Variants in RBFOX1 observed in about 807,000 individuals in gnomAD.
RBFOX1 encodes the protein RNA binding protein fox-1 homolog 1.
In RBFOX1, 8 loss-of-function variants were observed where a neutral mutation model predicts 57.7. The ratio of observed to expected loss-of-function variants is 0.14; its 90% CI spans 0.08 to 0.25. RBFOX1 has a LOEUF of 0.25. Among genes scored for constraint, RBFOX1 ranks in the 10% least tolerant of loss-of-function variants. The pLI, the probability that RBFOX1 is intolerant of heterozygous loss-of-function variation, is 1.00. For synonymous variants in RBFOX1, 326 were observed against 222.4 expected (o/e 1.47, Z -4.15); for missense variants, 611 against 548.5 (o/e 1.11, Z -1.14).
chr16:7,175,723 C>T (rs2152488244), intron 4 of RBFOX1, among the ~76,000 whole-genome samples: 1 of 152,318 alleles, frequency 6.6e-6, no homozygotes, highest in African/African-American at 2.4e-5. Flanking sequence ...TCCAGCCACG[C>T]AGTAGTTGGT....
At chr16:6,831,633 G>A (rs566989390) in intron 3 of RBFOX1, among the ~76,000 whole-genome samples, 1 of 152,298 alleles carries the variant, frequency 6.6e-6, no homozygotes, top group South Asian at 2.1e-4. Flanking sequence ...TCCTCAAATG[G>A]AAGGGTTTTA....
intron 3 of RBFOX1, among the ~76,000 whole-genome samples, chr16:5,843,165 G>T (rs1053070998): frequency 6.6e-6 from 1 of 152,066 alleles, no homozygotes; most frequent in African/African-American, 2.4e-5. Flanking sequence ...AGGTTCAGGG[G>T]TACATGTGCA....
chr16:7,470,017 GTTTT>G (rs35706487), intron 4 of RBFOX1, among the ~76,000 whole-genome samples: 10 of 143,240 alleles, frequency 7.0e-5, no homozygotes, highest in African/African-American at 2.6e-4. Context: ...GCATGGGTCA[GTTTT>G]TTTTTTTTTT....
chr16:7,623,250 G>A (rs571685148), intron 10 of RBFOX1, among the ~76,000 whole-genome samples: 22 of 152,264 alleles, frequency 1.4e-4, no homozygotes, highest in East Asian at 5.8e-4. Context: ...GTTTTTCCAC[G>A]GGTCGGGTAG....
At chr16:6,749,545 A>C (rs1363029707) in intron 3 of RBFOX1, among the ~76,000 whole-genome samples, 1 of 152,168 alleles carries the variant, frequency 6.6e-6, no homozygotes, top group East Asian at 1.9e-4. Flanking sequence ...CTTTGACTTC[A>C]TATCCAGCAG....
intron 3 of RBFOX1, among the ~76,000 whole-genome samples, chr16:6,984,630 G>A (rs1018452389): frequency 6.6e-6 from 1 of 152,026 alleles, no homozygotes; most frequent in East Asian, 1.9e-4. Context: ...TTTACCACAT[G>A]CCTTCTTTAC....
intron 4 of RBFOX1, among the ~76,000 whole-genome samples, chr16:7,479,442 T>A (rs2063437669): frequency 6.6e-6 from 1 of 152,054 alleles, no homozygotes. Flanking sequence ...AACCCAGGTA[T>A]TTTACTCTAC....
chr16:5,459,720 C>A (rs1346625499), intron 1 of RBFOX1, among the ~76,000 whole-genome samples: 3 of 152,144 alleles, frequency 2.0e-5, no homozygotes, highest in Non-Finnish European at 4.4e-5. Flanking sequence ...AGCACACATA[C>A]ACACATGCAC....
At chr16:7,398,125 C>T (rs1002534694) in intron 4 of RBFOX1, among the ~76,000 whole-genome samples, 1 of 152,154 alleles carries the variant, frequency 6.6e-6, no homozygotes, top group Non-Finnish European at 1.5e-5. Flanking sequence ...CACTAGGATT[C>T]CACATGGAAG....
upstream of RBFOX1, among the ~76,000 whole-genome samples, chr16:6,018,936 C>A (rs1247318525): frequency 6.6e-6 from 1 of 151,870 alleles, no homozygotes; most frequent in East Asian, 2.0e-4. Flanking sequence ...CCGCCGCCGC[C>A]GCCCGCTGGA....
chr16:5,312,123 T>C (rs2064107846), intron 1 of RBFOX1, among the ~76,000 whole-genome samples: 1 of 152,212 alleles, frequency 6.6e-6, no homozygotes, highest in African/African-American at 2.4e-5. Context: ...TGCATGAGAA[T>C]AGCCAGGTAG....
chr16:6,112,615 C>G (rs954930409), intron 1 of RBFOX1, among the ~76,000 whole-genome samples: 1 of 152,160 alleles, frequency 6.6e-6, no homozygotes, highest in Admixed American at 6.5e-5. Context: ...CGTTTGAACC[C>G]AGGAGCCGGA....
rs192018619 is a variant in RBFOX1, at chr16:7,408,535, T to A, written c.28-109612T>A. Among the ~76,000 whole-genome samples the A allele has an allele frequency of 2.6e-5, 4 of 152,332 alleles. No homozygotes were observed. The East Asian group carries it at 7.7e-4, about 29-fold the overall frequency. Reference sequence around the variant, plus strand: ...CCCGACACTTTTCATCTCTCTAGACTGCCCATCGATTGTCCTGAGTATTGC... The same window carrying A: ...CCCGACACTTTTCATCTCTCTAGACAGCCCATCGATTGTCCTGAGTATTGC... On this transcript the variant is annotated intron_variant, in intron 4 of 15. Coordinates refer to ENST00000550418, the MANE Select transcript of RBFOX1 (RefSeq NM_018723.4).
chr16:7,078,294 C>A (rs1357171348), intron 4 of RBFOX1, among the ~76,000 whole-genome samples: 3 of 152,288 alleles, frequency 2.0e-5, no homozygotes, highest in African/African-American at 7.2e-5. Flanking sequence ...TGACCTAACC[C>A]AGAAATGGTT....
intron 3 of RBFOX1, among the ~76,000 whole-genome samples, chr16:7,021,306 A>C (rs147656733): frequency 0.07 from 10,411 of 148,394 alleles, 578 homozygotes; most frequent in East Asian, 0.21. Flanking sequence ...CTCTCTCTCT[A>C]TATATATATA....
chr16:6,321,770 C>T (rs988188177), intron 2 of RBFOX1, among the ~76,000 whole-genome samples: 7 of 152,138 alleles, frequency 4.6e-5, no homozygotes, highest in African/African-American at 1.7e-4. Flanking sequence ...AATATAACAT[C>T]AACATTAGAT....
Position 5,567,094 on chromosome 16 carries a change from AC to A in RBFOX1, c.259-31805del, listed in dbSNP as rs146623147. 6.7e-3 allele frequency among the ~76,000 whole-genome samples: 1,019 copies of A among 152,266 alleles called. 14 individuals carry two copies. The highest frequency in any genetic ancestry group is 0.023 in the African/African-American group (954 of 41,542). Reference sequence around the variant, plus strand: ...GTGGGGCTGGAAATGCCACACAAAGACCCTCAGATGAATTGGAGATGTTGAA... The same window carrying A: ...GTGGGGCTGGAAATGCCACACAAAGACCTCAGATGAATTGGAGATGTTGAA... On this transcript the variant is annotated intron_variant, in intron 2 of 2. Coordinates refer to the RBFOX1 transcript ENST00000585867.
chr16:6,494,533 C>T (rs1457241614), intron 2 of RBFOX1, among the ~76,000 whole-genome samples: 1 of 152,214 alleles, frequency 6.6e-6, no homozygotes, highest in Non-Finnish European at 1.5e-5. Flanking sequence ...TACATTGTTA[C>T]ATCAGTAATT....
intron 1 of RBFOX1, among the ~76,000 whole-genome samples, chr16:5,466,534 G>T (rs569340259): frequency 6.6e-6 from 1 of 152,222 alleles, no homozygotes; most frequent in African/African-American, 2.4e-5. Context: ...TAGGGTTTCT[G>T]TGTGTGCCCT....
Sources: gnomAD v4.1 joint callset for allele counts (sites outside exome capture counted in the v4.1 genomes callset) on GRCh38, gnomAD v4.1.1 for gene constraint, MANE v1.5 for transcripts, NCBI Gene and HGNC (gene_info 2026-07-23, HGNC 2026-07-21) for gene names.